The following GRK5 variants were observed in gnomAD, a reference collection of about 807,000 sequenced individuals.
GRK5 encodes G protein-coupled receptor kinase 5.
A neutral mutation model predicts 78.4 loss-of-function variants in GRK5; 40 were observed. The observed-to-expected ratio is 0.51, with a 90% CI of 0.40 to 0.66. The LOEUF (loss-of-function observed/expected upper bound fraction) is 0.66, where lower values mean the gene tolerates loss of function less well. Among genes scored for constraint, GRK5 ranks in the 30% least tolerant of loss-of-function variants. GRK5 has a pLI of 0.00. For missense variants in GRK5, 598 were observed against 759.9 expected (o/e 0.79, Z 2.50); for synonymous variants, 289 against 296.8 (o/e 0.97, Z 0.27).
chr10:119,270,173 C>G (rs776010581), intron 1 of GRK5, among the ~76,000 whole-genome samples: 1 of 152,232 alleles, frequency 6.6e-6, no homozygotes, highest in Non-Finnish European at 1.5e-5. Context: ...CCACTGCCAG[C>G]CCTGCCATTC....
At chr10:119,304,610 C>T (rs2133726970) in intron 1 of GRK5, among the ~76,000 whole-genome samples, 1 of 152,294 alleles carries the variant, frequency 6.6e-6, no homozygotes, top group South Asian at 2.1e-4. Context: ...TAAGGTCATC[C>T]ACCTAGCGAG....
Position 119,452,998 on chromosome 10 carries a change from C to A in GRK5, c.1543-147C>A. On this transcript the variant is annotated intron_variant, in intron 14 of 15. Coordinates refer to ENST00000392870, the MANE Select transcript of GRK5 (RefSeq NM_005308.3). This position sits in a 1 kb window ranked among gnomAD's most constrained non-coding sequence, Gnocchi z 4.4. Reference sequence around the variant, plus strand: ...GTAGCCACCACGGGCCAGTCATTGACGGGGAGCCTCGCCCAGCCCCTGAGA... The same window carrying A: ...GTAGCCACCACGGGCCAGTCATTGAAGGGGAGCCTCGCCCAGCCCCTGAGA... 1.2e-6 allele frequency: 1 copy of A among 856,354 alleles called. No individual in the cohort carries two copies. Among genetic ancestry groups the A allele is most frequent in the Non-Finnish European group, 1.9e-6 (1 of 521,182 alleles). The allele number at this position is 856,354 out of a possible 1,614,324, so 53.0% of individuals were successfully genotyped here. A position where few individuals can be genotyped will look rare whatever the true frequency, so the allele number is the denominator to read the frequency against.
At chr10:119,388,783 G>A (rs868404266) in intron 3 of GRK5, among the ~76,000 whole-genome samples, 71 of 152,354 alleles carry the variant, frequency 4.7e-4, no homozygotes, top group African/African-American at 1.7e-3. Context: ...TAAGAAGTTG[G>A]CTGGGCTGCA....
Position 119,412,228 on chromosome 10 carries a change from A to T in GRK5, c.340-10938A>T, listed in dbSNP as rs1852360329. The stretch of plus-strand genomic sequence containing the variant: ...CATCACCTTCCTTTGAACTCAAAAG[A>T]GGCACAGTGAGAGCCTTCCAGCCTC... On this transcript the variant is annotated intron_variant, in intron 4 of 15. Transcript: ENST00000392870. The surrounding 1 kb of genome is among the most constrained non-coding windows in gnomAD (Gnocchi z 4.3). Among the ~76,000 whole-genome samples the T allele has an allele frequency of 6.6e-6, 1 of 152,070 alleles. No homozygotes were observed. The highest frequency in any genetic ancestry group is 2.1e-4 in the South Asian group (1 of 4,820).
Position 119,415,946 on chromosome 10 carries a change from G to A in GRK5, c.340-7220G>A, listed in dbSNP as rs551337573. Reference sequence around the variant, plus strand: ...GGGTCCTCTGATCTCCACCTCCTCCGCCGTCTCACTCCTGAATCTCTGAAC... The same window carrying A: ...GGGTCCTCTGATCTCCACCTCCTCCACCGTCTCACTCCTGAATCTCTGAAC... On this transcript the variant is annotated intron_variant, in intron 4 of 15. Coordinates refer to ENST00000392870, the MANE Select transcript of GRK5 (RefSeq NM_005308.3). Among the ~76,000 whole-genome samples the A allele has an allele frequency of 2.8e-4, 43 of 152,260 alleles. 2 individuals carry two copies. In the South Asian group the frequency reaches 5.6e-3, roughly 20 times the overall value.
chr10:119,358,421 C>T (rs1851301084), intron 2 of GRK5, among the ~76,000 whole-genome samples: 1 of 152,278 alleles, frequency 6.6e-6, no homozygotes, highest in South Asian at 2.1e-4. Flanking sequence ...AGGATTGGAC[C>T]TGTATCCATC....
chr10:119,454,592 G>A (rs990930319), intron 15 of GRK5, among the ~76,000 whole-genome samples: 1 of 152,198 alleles, frequency 6.6e-6, no homozygotes, highest in Non-Finnish European at 1.5e-5. Flanking sequence ...CAGCCACCCT[G>A]TGCGGAAGCT....
chr10:119,416,664 G>C (rs1852460813), intron 4 of GRK5, among the ~76,000 whole-genome samples: 1 of 151,824 alleles, frequency 6.6e-6, no homozygotes, highest in South Asian at 2.1e-4. Flanking sequence ...AGTGATCTCG[G>C]CTCACTGCAA....
intron 2 of GRK5, among the ~76,000 whole-genome samples, chr10:119,340,697 G>A (rs891118606): frequency 6.6e-6 from 1 of 152,176 alleles, no homozygotes; most frequent in Admixed American, 6.5e-5. Context: ...TGGACTGGGA[G>A]GCAGAAGACC....
chr10:119,407,786 G>C (rs1440066618), intron 4 of GRK5, among the ~76,000 whole-genome samples: 2 of 152,138 alleles, frequency 1.3e-5, no homozygotes, highest in African/African-American at 4.8e-5. Context: ...CACTTTGGGA[G>C]GCCAAGGCAG....
intron 13 of GRK5, among the ~76,000 whole-genome samples, chr10:119,451,430 C>T (rs1266511284): frequency 2.0e-5 from 3 of 152,092 alleles, no homozygotes; most frequent in African/African-American, 7.2e-5. Context: ...ACCTGGCACC[C>T]CCTAGGGCAC....
chr10:119,211,522 T>A (rs1448521561), intron 1 of GRK5: 1 of 152,116 alleles, frequency 6.6e-6, no homozygotes, highest in African/African-American at 2.4e-5. Context: ...TGAGAAAAAA[T>A]TTTGCAAGGC....
chr10:119,315,714 A>G (rs937546010), intron 1 of GRK5, among the ~76,000 whole-genome samples: 1 of 152,174 alleles, frequency 6.6e-6, no homozygotes, highest in Non-Finnish European at 1.5e-5. Flanking sequence ...CACAGGCAGA[A>G]TTGTGACACT....
chr10:119,394,300 G>GTGTGTGTGTGTGTGTGGGGGTGTA (rs1851966501), intron 3 of GRK5, among the ~76,000 whole-genome samples: 1 of 9,410 alleles, frequency 1.1e-4, no homozygotes, highest in African/African-American at 3.8e-4. Context: ...GTATCTGTGT[G>GTGTGTGTGTGTGTGTGGGGGTGTA]TCTGTGTGGG....
At chr10:119,351,610 G>A (rs1220576352) in intron 2 of GRK5, among the ~76,000 whole-genome samples, 1 of 152,146 alleles carries the variant, frequency 6.6e-6, no homozygotes, top group African/African-American at 2.4e-5. Context: ...CCAGTCTCGG[G>A]TATGTCTTTA....
intron 1 of GRK5, among the ~76,000 whole-genome samples, chr10:119,266,751 G>A (rs1358871891): frequency 7.8e-6 from 1 of 128,386 alleles, no homozygotes; most frequent in Non-Finnish European, 1.7e-5. Context: ...ATTTGCTGGG[G>A]TTGGGTGGGT....
At chr10:119,389,145 A>G (rs1851845949) in intron 3 of GRK5, among the ~76,000 whole-genome samples, 1 of 152,260 alleles carries the variant, frequency 6.6e-6, no homozygotes, top group Admixed American at 6.5e-5. Context: ...AGGTTACAAC[A>G]AATGAAATCT....
At chr10:119,230,203 C>T (rs985378230) in intron 1 of GRK5, among the ~76,000 whole-genome samples, 6 of 152,056 alleles carry the variant, frequency 3.9e-5, no homozygotes, top group African/African-American at 7.2e-5. Context: ...AAAAAATAGC[C>T]GGCCAGGTAC....
At chr10:119,341,027 C>A (rs1164572506) in intron 2 of GRK5, among the ~76,000 whole-genome samples, 1 of 152,204 alleles carries the variant, frequency 6.6e-6, no homozygotes, top group East Asian at 1.9e-4. Context: ...AGAGCTGCCC[C>A]TCCCCTCTGC....
Sources: gnomAD v4.1 joint callset for allele counts (sites outside exome capture counted in the v4.1 genomes callset) on GRCh38, gnomAD v4.1.1 for gene constraint, Gnocchi (gnomAD v3.1) non-coding constraint, MANE v1.5 for transcripts, NCBI Gene and HGNC (gene_info 2026-07-23, HGNC 2026-07-21) for gene names.